MGLL: variants seen among roughly 807,000 people sequenced by gnomAD.
The protein encoded by MGLL is lysophospholipase homolog.
In MGLL, 7 loss-of-function variants were observed where a neutral mutation model predicts 29.1. The observed-to-expected ratio is 0.24, with a 90% CI of 0.14 to 0.45. MGLL has a LOEUF of 0.45. Ranked by LOEUF, MGLL falls within the 20% of genes least tolerant of loss-of-function variation. MGLL has a pLI of 0.99. For synonymous variants in MGLL, 148 were observed against 168.3 expected, an observed-to-expected ratio of 0.88 and a Z score of 0.93; for missense variants, 356 against 413.6, an observed-to-expected ratio of 0.86 and a Z score of 1.21.
intron 3 of MGLL, among the ~76,000 whole-genome samples, chr3:127,728,232 G>C (rs574952883): frequency 6.6e-6 from 1 of 152,118 alleles, no homozygotes; most frequent in Non-Finnish European, 1.5e-5. Flanking sequence ...GTTCCCTAGC[G>C]TTAATCATTC....
At chr3:127,803,091 T>C (rs546261477) in intron 2 of MGLL, among the ~76,000 whole-genome samples, 1 of 152,332 alleles carries the variant, frequency 6.6e-6, no homozygotes, top group Admixed American at 6.5e-5. Flanking sequence ...GTGATTCTCC[T>C]GCCTCAGCCT....
chr3:127,729,983 C>T (rs534228055), intron 3 of MGLL, among the ~76,000 whole-genome samples: 6 of 152,342 alleles, frequency 3.9e-5, no homozygotes, highest in Middle Eastern at 3.4e-3. Flanking sequence ...CTGGCTGTTC[C>T]ACAGCTCCTC....
intron 3 of MGLL, among the ~76,000 whole-genome samples, chr3:127,749,619 C>T (rs1297015185): frequency 2.0e-5 from 3 of 152,160 alleles, no homozygotes; most frequent in Non-Finnish European, 2.9e-5. Context: ...GCCAGTGCCT[C>T]TCATCCTGTG....
At chr3:127,770,485 C>T (rs2076930893) in intron 3 of MGLL, among the ~76,000 whole-genome samples, 1 of 152,154 alleles carries the variant, frequency 6.6e-6, no homozygotes, top group Non-Finnish European at 1.5e-5. Context: ...AGGATATAGG[C>T]TCCCCAGGGC....
At chr3:127,792,802 G>A (rs1267500322) in intron 2 of MGLL, among the ~76,000 whole-genome samples, 1 of 152,200 alleles carries the variant, frequency 6.6e-6, no homozygotes, top group Non-Finnish European at 1.5e-5. Context: ...TCCTGCGTGT[G>A]CATGTTAGGG....
rs186364130 is a variant in MGLL at position 127,736,451 on chromosome 3, A to T, written c.263-13885T>A. 406 of 692,144 alleles carry T rather than the reference A, an allele frequency of 5.9e-4. 2 individuals are homozygous for T. In the African/African-American group the frequency reaches 6.1e-3, roughly 10 times the overall value. 42.9% of individuals were successfully genotyped at this position (692,144 alleles called of 1,614,324 possible). A position where few individuals can be genotyped will look rare whatever the true frequency, so the allele number is the denominator to read the frequency against. On this transcript the variant is annotated intron_variant, in intron 3 of 7. Coordinates refer to ENST00000265052, the MANE Select transcript of MGLL (RefSeq NM_007283.7). ...TCTGGTCCTAGAGAGAACACGTGAGAAATGGCTCCGCTGCCCTGGAGACTT... is the reference window on the plus strand; with the variant it reads ...TCTGGTCCTAGAGAGAACACGTGAGTAATGGCTCCGCTGCCCTGGAGACTT...
In MGLL at chr3:127,694,282, A is replaced by ATAT. The variant is rs1553752279; in HGVS notation, c.816+692_816+693insATA. Among the ~76,000 whole-genome samples, 31 of 114,896 alleles carry ATAT rather than the reference A, an allele frequency of 2.7e-4. No homozygotes were observed. In the East Asian group the frequency reaches 3.2e-3, roughly 12 times the overall value. The allele number at this position is 114,896 out of a possible 152,430, so 75.4% of individuals were successfully genotyped here. A position where few individuals can be genotyped will look rare whatever the true frequency, so the allele number is the denominator to read the frequency against. ...GATACTCTGTCTGAAAAAAAAAAAA[A>ATAT]AAAAATATATATATATATATATATA... On this transcript the variant is annotated intron_variant, in intron 7 of 7. Transcript: ENST00000265052.
chr3:127,791,663 T>C, intron 2 of MGLL, among the ~76,000 whole-genome samples: 1 of 152,220 alleles, frequency 6.6e-6, no homozygotes, highest in South Asian at 2.1e-4. Flanking sequence ...TATCTCAGTT[T>C]TAAACTCTTG....
Position 127,822,315 on chromosome 3 carries a change from C to G in MGLL, c.4G>C (p.Glu2Gln). 1 of 1,613,710 alleles carries G rather than the reference C, an allele frequency of 6.2e-7. No individual in the cohort carries two copies. Among genetic ancestry groups the G allele is most frequent in the Non-Finnish European group, 8.5e-7 (1 of 1,179,580 alleles). The change falls in exon 1 of 8, where the codon GAA becomes CAA. Residue 2 changes from glutamate to glutamine, a missense_variant. Coordinates refer to ENST00000265052, the MANE Select transcript of MGLL (RefSeq NM_007283.7). METGPEDPSSMP... is the reference protein window; with the variant it reads MQTGPEDPSSMP... ...CCAAGGATACATGACAAACCTGTTT[C>G]CATTATGTGCTGGCGTTTGCATTCC... is the stretch of plus-strand genomic sequence containing the variant.
intron 2 of MGLL, among the ~76,000 whole-genome samples, chr3:127,816,968 C>A (rs950119490): frequency 2.6e-5 from 4 of 152,206 alleles, no homozygotes; most frequent in Non-Finnish European, 4.4e-5. Context: ...TCCATGTCAC[C>A]GACGGGAAAA....
intron 3 of MGLL, among the ~76,000 whole-genome samples, chr3:127,752,285 G>A (rs2076574041): frequency 6.6e-6 from 1 of 152,182 alleles, no homozygotes; most frequent in Non-Finnish European, 1.5e-5. Flanking sequence ...TTTTAGTAGA[G>A]ATGGGGTTTC....
At chr3:127,695,271 C>G (rs2075336471) in intron 6 of MGLL, 81 bp from the exon 7 acceptor site, 1 of 1,421,562 alleles carries the variant, frequency 7.0e-7, no homozygotes, top group African/African-American at 1.4e-5. Context: ...GTAGCTTTTC[C>G]TTCTGCTCTG....
At chr3:127,716,346 C>T (rs1369156674) in intron 5 of MGLL, among the ~76,000 whole-genome samples, 1 of 152,256 alleles carries the variant, frequency 6.6e-6, no homozygotes, top group Admixed American at 6.5e-5. Flanking sequence ...TGAGACTCAA[C>T]CGCTCTGCAG....
intron 5 of MGLL, among the ~76,000 whole-genome samples, chr3:127,720,218 T>C (rs1443671208): frequency 6.6e-6 from 1 of 152,198 alleles, no homozygotes; most frequent in Non-Finnish European, 1.5e-5. Context: ...CTTTCTCCTT[T>C]GAGAGTCTCC....
At chr3:127,736,255 C>T (rs573876306) in intron 3 of MGLL, 14 of 986,892 alleles carry the variant, frequency 1.4e-5, no homozygotes, top group East Asian at 1.1e-4. Flanking sequence ...AAAAAATGGA[C>T]GTTCATTACT....
intron 3 of MGLL, chr3:127,735,985 C>A (rs2076236251): frequency 7.0e-7 from 1 of 1,428,584 alleles, no homozygotes. Flanking sequence ...GGCTCAGTTC[C>A]TTCACGCTAA....
chr3:127,730,129 C>T (rs997434173), intron 3 of MGLL, among the ~76,000 whole-genome samples: 5 of 152,200 alleles, frequency 3.3e-5, no homozygotes, highest in African/African-American at 9.7e-5. Flanking sequence ...GTCCCCAAGT[C>T]CTTCTAGATT....
At chr3:127,760,595 A>T (rs1284117737) in intron 3 of MGLL, among the ~76,000 whole-genome samples, 1 of 152,152 alleles carries the variant, frequency 6.6e-6, no homozygotes, top group Non-Finnish European at 1.5e-5. Flanking sequence ...GTCGCAAGCT[A>T]TTCCTGGAGC....
At chr3:127,784,796 T>C (rs904343162) in intron 2 of MGLL, among the ~76,000 whole-genome samples, 5 of 152,170 alleles carry the variant, frequency 3.3e-5, no homozygotes, top group African/African-American at 4.8e-5. Context: ...CCCTTCCCCC[T>C]GGCTGCCACA....
Sources: gnomAD v4.1 joint callset for allele counts (sites outside exome capture counted in the v4.1 genomes callset) on GRCh38, gnomAD v4.1.1 for gene constraint, MANE v1.5 for transcripts, NCBI Gene and HGNC (gene_info 2026-07-23, HGNC 2026-07-21) for gene names.